The following SAMMSON variants were observed in gnomAD, a reference collection of about 807,000 sequenced individuals.
SAMMSON encodes long intergenic non-protein coding RNA 1212.
chr3:70,276,359 A>T (rs1702026033), intron 6 of SAMMSON, among the ~76,000 whole-genome samples: 1 of 152,170 alleles, frequency 6.6e-6, no homozygotes, highest in Non-Finnish European at 1.5e-5. Context: ...CCACTTTCTT[A>T]CTTCTGGAAA....
At chr3:70,028,834 G>A (rs192724619) in intron 3 of SAMMSON, among the ~76,000 whole-genome samples, 5 of 152,154 alleles carry the variant, frequency 3.3e-5, no homozygotes, top group Non-Finnish European at 5.9e-5. Flanking sequence ...TTTTCTCACC[G>A]ATGATAATGA....
chr3:70,111,375 C>T (rs906444052), intron 4 of SAMMSON, among the ~76,000 whole-genome samples: 2 of 152,100 alleles, frequency 1.3e-5, no homozygotes, highest in African/African-American at 4.8e-5. Context: ...GGATAGCAGA[C>T]GTATGCATAG....
At chr3:70,328,366 G>T (rs749608666) in intron 7 of SAMMSON, among the ~76,000 whole-genome samples, 19 of 152,136 alleles carry the variant, frequency 1.2e-4, no homozygotes, top group Non-Finnish European at 1.8e-4. Context: ...ACACTGAAAT[G>T]ACATAGGTGA....
At chr3:70,401,528 G>A (rs569930787) in intron 2 of SAMMSON, among the ~76,000 whole-genome samples, 2 of 152,214 alleles carry the variant, frequency 1.3e-5, no homozygotes, top group South Asian at 2.1e-4. Flanking sequence ...TGAAGTATAA[G>A]TACAAATCAA....
intron 4 of SAMMSON, among the ~76,000 whole-genome samples, chr3:70,177,346 A>G (rs1462680935): frequency 6.6e-6 from 1 of 152,224 alleles, no homozygotes; most frequent in Non-Finnish European, 1.5e-5. Context: ...ATCAATATTT[A>G]TTGAGCACCT....
chr3:70,099,519 C>G (rs1266142741), intron 4 of SAMMSON, among the ~76,000 whole-genome samples: 1 of 152,092 alleles, frequency 6.6e-6, no homozygotes. Flanking sequence ...GGAAATTTGT[C>G]TAAAATTTTT....
chr3:70,194,916 A>G (rs1377504224), intron 4 of SAMMSON, among the ~76,000 whole-genome samples: 1 of 152,144 alleles, frequency 6.6e-6, no homozygotes, highest in Non-Finnish European at 1.5e-5. Context: ...AGGAGCCAAG[A>G]GGGATGGGAC....
chr3:70,228,957 T>G (rs1701534109), intron 4 of SAMMSON, among the ~76,000 whole-genome samples: 1 of 151,882 alleles, frequency 6.6e-6, no homozygotes, highest in Non-Finnish European at 1.5e-5. Flanking sequence ...AAGAGCAGAG[T>G]CCAGTGAAGA....
At chr3:70,401,038 AAT>A in intron 2 of SAMMSON, among the ~76,000 whole-genome samples, 1 of 152,326 alleles carries the variant, frequency 6.6e-6, no homozygotes, top group African/African-American at 2.4e-5. Context: ...GTTTAAGACT[AAT>A]GTCAATGTTA....
intron 3 of SAMMSON, among the ~76,000 whole-genome samples, chr3:70,029,029 T>C (rs2067053927): frequency 6.6e-6 from 1 of 152,170 alleles, no homozygotes; most frequent in Non-Finnish European, 1.5e-5. Flanking sequence ...ACGATATGAC[T>C]CCTGTGTCCA....
At chr3:70,043,397 A>G (rs2067112898) in intron 3 of SAMMSON, among the ~76,000 whole-genome samples, 1 of 151,978 alleles carries the variant, frequency 6.6e-6, no homozygotes, top group Middle Eastern at 3.2e-3. Flanking sequence ...TTTCCAGCAG[A>G]AAAAAAATGT....
intron 4 of SAMMSON, among the ~76,000 whole-genome samples, chr3:70,142,149 C>G (rs1176338895): frequency 6.6e-6 from 1 of 151,962 alleles, no homozygotes; most frequent in Non-Finnish European, 1.5e-5. Context: ...AAAAGTAGAA[C>G]TACCATTTGA....
intron 4 of SAMMSON, chr3:70,140,279 G>T: frequency 5.0e-6 from 1 of 200,504 alleles, no homozygotes; most frequent in South Asian, 1.1e-4. Flanking sequence ...AGGAGGAAGA[G>T]CAAGAGGAGG....
rs372565150 is a variant in SAMMSON at position 70,203,744 on chromosome 3, C to T, written n.508-45363C>T. Among the ~76,000 whole-genome samples, 48 of 152,166 alleles carry T rather than the reference C, an allele frequency of 3.2e-4. 1 individual carries two copies. The highest frequency in any genetic ancestry group is 6.8e-3 in the Middle Eastern group (2 of 294). On this transcript the variant is annotated intron_variant and non_coding_transcript_variant, in intron 4 of 9. Transcript: ENST00000642114. ...TTGTATTTATGATTTTCCTCTTCCA[C>T]CTGGATGAGATGTCTCAAATTCAAA...
At chr3:70,224,142 A>T (rs920473543) in intron 4 of SAMMSON, among the ~76,000 whole-genome samples, 1 of 152,178 alleles carries the variant, frequency 6.6e-6, no homozygotes, top group African/African-American at 2.4e-5. Context: ...GAGGGAAAAT[A>T]ATTGAATGTG....
At chr3:70,086,940 G>A (rs1257822473) in intron 4 of SAMMSON, among the ~76,000 whole-genome samples, 7 of 152,208 alleles carry the variant, frequency 4.6e-5, no homozygotes, top group Non-Finnish European at 8.8e-5. Flanking sequence ...TATAGAGAAA[G>A]TAAAGCTACT....
chr3:70,259,259 A>C (rs1436633806), intron 6 of SAMMSON, among the ~76,000 whole-genome samples: 2 of 152,144 alleles, frequency 1.3e-5, no homozygotes, highest in Non-Finnish European at 2.9e-5. Context: ...TAAGAGTTGG[A>C]ATTTCACATT....
intron 4 of SAMMSON, among the ~76,000 whole-genome samples, chr3:70,086,696 G>A (rs1576118274): frequency 6.6e-6 from 1 of 152,186 alleles, no homozygotes; most frequent in South Asian, 2.1e-4. Flanking sequence ...TTAATCTGGG[G>A]CTACAGGGTT....
intron 9 of SAMMSON, among the ~76,000 whole-genome samples, chr3:70,368,634 C>T (rs887977368): frequency 6.6e-6 from 1 of 151,584 alleles, no homozygotes; most frequent in Non-Finnish European, 1.5e-5. Flanking sequence ...TATCCTCTCT[C>T]TATTGAATTG....
Sources: gnomAD v4.1 joint callset for allele counts (sites outside exome capture counted in the v4.1 genomes callset) on GRCh38, gnomAD v4.1.1 for gene constraint, MANE v1.5 for transcripts, NCBI Gene and HGNC (gene_info 2026-07-23, HGNC 2026-07-21) for gene names.